Variants in DIAPH2 observed in about 807,000 individuals in gnomAD.
The protein encoded by DIAPH2 is protein diaphanous homolog 2.
A neutral mutation model predicts 92.7 loss-of-function variants in DIAPH2; 35 were observed. That is an observed-to-expected ratio of 0.38 (90% CI 0.29 to 0.50). The LOEUF is 0.50. DIAPH2 is among the 20% of genes least tolerant of loss of function. The pLI is 0.94. For synonymous variants in DIAPH2, 301 were observed against 280.4 expected (o/e 1.07, Z -0.73); for missense variants, 701 against 819.5 (o/e 0.86, Z 1.77).
intron 4 of DIAPH2, among the ~76,000 whole-genome samples, chrX:96,853,349 G>T (rs2065016751): frequency 9.0e-6 from 1 of 111,537 alleles, no homozygotes; most frequent in Admixed American, 9.5e-5. Flanking sequence ...AGAAATTATT[G>T]TTAGAGCAGT....
chrX:97,305,231 G>A (rs2068736011), intron 23 of DIAPH2, among the ~76,000 whole-genome samples: 1 of 112,016 alleles, frequency 8.9e-6, no homozygotes, highest in Non-Finnish European at 1.9e-5. Context: ...GGTGGCTCAT[G>A]CCTGTAATCC....
At chrX:96,715,569 A>T (rs1261450995) in intron 1 of DIAPH2, among the ~76,000 whole-genome samples, 1 of 111,886 alleles carries the variant, frequency 8.9e-6, no homozygotes, top group Non-Finnish European at 1.9e-5. Flanking sequence ...GTGAAGATTT[A>T]TTCTCTTTCA....
At chrX:96,919,241 C>T (rs1432472621) in intron 9 of DIAPH2, among the ~76,000 whole-genome samples, 3 of 112,286 alleles carry the variant, frequency 2.7e-5, no homozygotes, top group Admixed American at 9.4e-5. Context: ...TGAAGTCCTG[C>T]ACTAAACATT....
intron 21 of DIAPH2, among the ~76,000 whole-genome samples, chrX:97,139,056 C>T (rs12861876): frequency 0.41 from 45,124 of 109,851 alleles, 7,641 homozygotes; most frequent in Non-Finnish European, 0.54. Context: ...TGTACATAAT[C>T]AGATTAGATT....
intron 26 of DIAPH2, among the ~76,000 whole-genome samples, chrX:97,553,094 A>C (rs2071232120): frequency 8.9e-6 from 1 of 112,301 alleles, no homozygotes; most frequent in South Asian, 3.7e-4. Context: ...TGGGGAAGAC[A>C]CAGTTCAGCC....
At chrX:97,562,170 C>T (rs1245635367) in intron 26 of DIAPH2, among the ~76,000 whole-genome samples, 1 of 110,780 alleles carries the variant, frequency 9.0e-6, no homozygotes, top group Non-Finnish European at 1.9e-5. Flanking sequence ...TTACTCTCCT[C>T]ATTTTGCAGG....
At chrX:96,804,975 C>T (rs1441635952) in intron 4 of DIAPH2, among the ~76,000 whole-genome samples, 3 of 110,502 alleles carry the variant, frequency 2.7e-5, no homozygotes, top group Non-Finnish European at 1.9e-5. Context: ...ATGAGGAGAG[C>T]CACTGAAATT....
intron 22 of DIAPH2, among the ~76,000 whole-genome samples, chrX:97,192,059 A>G (rs953473855): frequency 9.0e-6 from 1 of 111,244 alleles, no homozygotes; most frequent in Non-Finnish European, 1.9e-5. Context: ...TGGGAGGCCA[A>G]GGTGGGCAGA....
At chrX:97,574,408 AT>A (rs1279195930) in intron 26 of DIAPH2, among the ~76,000 whole-genome samples, 2 of 110,049 alleles carry the variant, frequency 1.8e-5, no homozygotes, top group African/African-American at 6.6e-5. Flanking sequence ...CCTTTGGGGA[AT>A]TCAAAAATCA....
At chrX:96,836,872 C>G (rs1203221990) in intron 4 of DIAPH2, among the ~76,000 whole-genome samples, 1 of 98,551 alleles carries the variant, frequency 1.0e-5, no homozygotes, top group Non-Finnish European at 2.0e-5. Context: ...GGACTACAGG[C>G]GCCCGCTACC....
intron 22 of DIAPH2, among the ~76,000 whole-genome samples, chrX:97,236,637 C>T (rs1047600413): frequency 1.9e-5 from 2 of 106,754 alleles, no homozygotes; most frequent in Admixed American, 2.0e-4. Context: ...CTCCACCTCC[C>T]GGGTTCACGC....
intron 3 of DIAPH2, among the ~76,000 whole-genome samples, chrX:96,740,555 A>G (rs5949991): frequency 0.2 from 21,947 of 111,479 alleles, 1,606 homozygotes; most frequent in East Asian, 0.33. Flanking sequence ...TGAGCATTAC[A>G]GGGCTATCTT....
intron 22 of DIAPH2, among the ~76,000 whole-genome samples, chrX:97,164,523 T>C (rs1335849207): frequency 8.9e-6 from 1 of 111,912 alleles, no homozygotes; most frequent in African/African-American, 3.2e-5. Context: ...AAACTGAAAT[T>C]GTCAACTCTG....
At chrX:96,988,304 G>C (rs917135761) in intron 17 of DIAPH2, among the ~76,000 whole-genome samples, 4 of 110,809 alleles carry the variant, frequency 3.6e-5, no homozygotes, top group Non-Finnish European at 5.7e-5. Context: ...AAAGTACTTA[G>C]GTGGGGGCTT....
At chrX:97,306,295 CT>C (rs1187087964) in intron 23 of DIAPH2, among the ~76,000 whole-genome samples, 1 of 111,159 alleles carries the variant, frequency 9.0e-6, no homozygotes. Flanking sequence ...CAGCATAACT[CT>C]CTTTGGCCCC....
chrX:96,932,025 CAT>C, intron 10 of DIAPH2, among the ~76,000 whole-genome samples: 1 of 110,684 alleles, frequency 9.0e-6, no homozygotes, highest in Middle Eastern at 4.6e-3. Context: ...GTTAGTGTGA[CAT>C]GTGATTATTC....
intron 9 of DIAPH2, among the ~76,000 whole-genome samples, chrX:96,929,126 G>T (rs1248984706): frequency 9.0e-6 from 1 of 111,402 alleles, no homozygotes; most frequent in Non-Finnish European, 1.9e-5. Context: ...GGCTTGTTTG[G>T]TCATGTCATA....
At chrX:97,174,461 T>C (rs894639436) in intron 22 of DIAPH2, among the ~76,000 whole-genome samples, 1 of 111,921 alleles carries the variant, frequency 8.9e-6, no homozygotes, top group African/African-American at 3.2e-5. Flanking sequence ...AAATGATGTG[T>C]GTGCTTTATG....
chrX:96,685,146 A>C lies in DIAPH2; in HGVS notation c.88A>C (p.Asn30His), dbSNP rs2063763870. Residue 30 changes from asparagine to histidine, a missense_variant, in exon 1 of 27, where the codon AAC becomes CAC. Physicochemically the swap from Asn to His is moderately conservative, Grantham distance 68 (BLOSUM62 1). Around this residue, in one of 3 missense-constraint regions of DIAPH2, gnomAD observed 131 missense variants for 145.6 expected, o/e 0.90. Coordinates refer to ENST00000324765, the MANE Select transcript of DIAPH2 (RefSeq NM_006729.5). ...GGRSNKRSAG[N>H]RAANEEETKN... ...CCGGAGCAACAAGCGGAGCGCGGGG[A>C]ACCGGGCCGCCAATGAAGAGGAAAC... 2.0e-6 allele frequency: 2 copies of C among 1,014,662 alleles called. No individual in the cohort carries two copies. Among genetic ancestry groups the C allele is most frequent in the Non-Finnish European group, 2.5e-6 (2 of 792,811 alleles). 83.6% of individuals were successfully genotyped at this position (1,014,662 alleles called of 1,213,427 possible). A position where few individuals can be genotyped will look rare whatever the true frequency, so the allele number is the denominator to read the frequency against.
Sources: gnomAD v4.1 joint callset for allele counts (sites outside exome capture counted in the v4.1 genomes callset) on GRCh38, gnomAD v4.1.1 for gene constraint, gnomAD v4.1.1 regional missense constraint, MANE v1.5 for transcripts, NCBI Gene and HGNC (gene_info 2026-07-23, HGNC 2026-07-21) for gene names.